The following MAN2B1 variants were observed in gnomAD, a reference collection of about 807,000 sequenced individuals.
MAN2B1 encodes the protein lysosomal alpha-mannosidase.
In MAN2B1, 99 loss-of-function variants were observed where a neutral mutation model predicts 127.5. The ratio of observed to expected loss-of-function variants is 0.78; its 90% CI spans 0.66 to 0.92. MAN2B1 has a LOEUF of 0.92. MAN2B1 is among the 40% of genes least tolerant of loss of function. The probability of loss-of-function intolerance (pLI) is 0.00; values close to 1 mark genes in which losing one functional copy is unlikely to be tolerated. For missense variants in MAN2B1, 1,304 were observed against 1,384.8 expected, an observed-to-expected ratio of 0.94 and a Z score of 0.93; for synonymous variants, 573 against 568.8, an observed-to-expected ratio of 1.01 and a Z score of -0.11.
chr19:12,647,689 T>A lies in MAN2B1; in HGVS notation c.2665-91A>T. 9.1e-7 allele frequency: 1 copy of A among 1,098,092 alleles called. No homozygotes were observed. Among genetic ancestry groups the A allele is most frequent in the Non-Finnish European group, 1.3e-6 (1 of 770,492 alleles). 68.0% of individuals were successfully genotyped at this position (1,098,092 alleles called of 1,614,324 possible). On this transcript the variant is annotated intron_variant, in intron 21 of 23. Transcript: ENST00000456935. This position sits in a 1 kb window ranked among gnomAD's most constrained non-coding sequence, Gnocchi z 4.9. ...AGCCAGGTCAGGAGGCAGGGCTAGG[T>A]TGTAGGGGCGGGGTTTCGCCGGAGA...
rs2023692840 is a variant in MAN2B1 at position 12,646,606 on chromosome 19, C to G, written c.*14G>C. 1 of 1,590,256 alleles carries G rather than the reference C, an allele frequency of 6.3e-7. No homozygotes were observed. The highest frequency in any genetic ancestry group is 8.6e-7 in the Non-Finnish European group (1 of 1,158,328). ...AGCAGGAGGCTTGGGCTTGGAGGGC[C>G]CATCCCAGCAGACCTAACCATCCAC... On this transcript the variant is annotated 3_prime_UTR_variant, in exon 24 of 24. Transcript: ENST00000456935.
Position 12,663,303 on chromosome 19 carries a change from G to C in MAN2B1, c.909+14C>G, listed in dbSNP as rs755434737. On this transcript the variant is annotated intron_variant, in intron 6 of 23. Coordinates refer to ENST00000456935, the MANE Select transcript of MAN2B1 (RefSeq NM_000528.4). Reference sequence around the variant, plus strand: ...GTATATACCGGACTCGAAGGTTCTGGACACCAGGGTTACCTGGGCAGTGGC... The same window carrying C: ...GTATATACCGGACTCGAAGGTTCTGCACACCAGGGTTACCTGGGCAGTGGC... 3 of 1,614,016 alleles carry C rather than the reference G, an allele frequency of 1.9e-6. No individual in the cohort carries two copies. Among genetic ancestry groups the C allele is most frequent in the Non-Finnish European group, 2.5e-6 (3 of 1,180,012 alleles).
intron 10 of MAN2B1, 50 bp from the exon 11 acceptor site, chr19:12,657,605 C>T: frequency 1.4e-6 from 2 of 1,479,340 alleles, no homozygotes; most frequent in South Asian, 2.4e-5. Flanking sequence ...TCAGCTGAGA[C>T]CCCAAGGGGA....
At chr19:12,654,365 A>C (rs370890158) in intron 14 of MAN2B1, among the ~76,000 whole-genome samples, 4 of 151,704 alleles carry the variant, frequency 2.6e-5, no homozygotes, top group East Asian at 3.9e-4. Context: ...TTTCAACCTC[A>C]CCACCTCTTA....
rs1459604250 is a variant in MAN2B1 at position 12,649,378 on chromosome 19, C to T, written c.2318G>A (p.Gly773Glu). The change falls in exon 19 of 24, where the codon GGA becomes GAA. Residue 773 changes from glycine to glutamate, a missense_variant. By Grantham distance (98) the Gly-to-Glu change is moderately conservative. Transcript: ENST00000456935. ...WKLNQTEPVA[G>E]NYYPVNTRIY... ...CCGGGTGTTGACTGGATAGTAGTTTCCTGCCACGGGCTCCGTCTGGTTCAG... is the reference window on the plus strand; with the variant it reads ...CCGGGTGTTGACTGGATAGTAGTTTTCTGCCACGGGCTCCGTCTGGTTCAG... 1 of 1,613,258 alleles carries T rather than the reference C, an allele frequency of 6.2e-7. No homozygotes were observed. The highest frequency in any genetic ancestry group is 8.5e-7 in the Non-Finnish European group (1 of 1,179,742).
chr19:12,660,613 T>G (rs1328794165), intron 7 of MAN2B1, among the ~76,000 whole-genome samples: 1 of 152,156 alleles, frequency 6.6e-6, no homozygotes, highest in South Asian at 2.1e-4. Context: ...GCTTTGAAGA[T>G]GGAGCCAAGA....
rs751031689 is a variant in MAN2B1 at position 12,661,272 on chromosome 19, C to A, written c.1014G>T (p.Leu338=). ...TAGGCGCACTGACCTGCGCATTTACCAGCCGGATGAGCTTGTCAAGGTTCT... is the reference window on the plus strand; with the variant it reads ...TAGGCGCACTGACCTGCGCATTTACAAGCCGGATGAGCTTGTCAAGGTTCT... The part of the protein sequence containing the change: ...WFKNLDKLIR[L]VNAQQAKGSS... Residue 338 remains leucine (L), a synonymous_variant, in exon 7 of 24, where the codon CTG becomes CTT. Coordinates refer to ENST00000456935, the MANE Select transcript of MAN2B1 (RefSeq NM_000528.4). 6.2e-7 allele frequency: 1 copy of A among 1,613,286 alleles called. No homozygotes were observed. Among genetic ancestry groups the A allele is most frequent in the Non-Finnish European group, 8.5e-7 (1 of 1,179,300 alleles).
chr19:12,649,824 A>G, intron 18 of MAN2B1, 89 bp downstream of exon 18: 1 of 1,122,078 alleles, frequency 8.9e-7, no homozygotes, highest in Admixed American at 1.7e-5. Flanking sequence ...TCTGTCTCCC[A>G]CACTCATGTA....
At chr19:12,656,450 G>C (rs2023960035) in intron 13 of MAN2B1, 121 bp downstream of exon 13, 9 of 738,344 alleles carry the variant, frequency 1.2e-5, no homozygotes, top group South Asian at 1.1e-4. Context: ...ATACAAGAGG[G>C]GGGAAGAGAT....
rs375072291 is a variant in MAN2B1, at chr19:12,650,444, C to T, written c.2047-222G>A. The stretch of plus-strand genomic sequence containing the variant: ...CGCGATCTCGGCTCACTGCAAGCTC[C>T]GCCTCCCGGGTTCACACCATTCTCC... On this transcript the variant is annotated intron_variant, in intron 16 of 23. Transcript: ENST00000456935. Among the ~76,000 whole-genome samples, 7 of 151,464 alleles carry T rather than the reference C, an allele frequency of 4.6e-5. 1 individual carries two copies. In the South Asian group the frequency reaches 1.3e-3, roughly 27 times the overall value.
chr19:12,665,992 G>C (rs2145291633), intron 1 of MAN2B1, among the ~76,000 whole-genome samples, 187 bp from the exon 2 acceptor site: 1 of 152,270 alleles, frequency 6.6e-6, no homozygotes, highest in African/African-American at 2.4e-5. Flanking sequence ...ACTCCACTTT[G>C]CACAACCCCA....
At chr19:12,661,494 G>A (rs1019780273) in intron 6 of MAN2B1, 118 bp from the exon 7 acceptor site, 1 of 763,284 alleles carries the variant, frequency 1.3e-6, no homozygotes, top group East Asian at 2.5e-5. Context: ...TGGGGGTATG[G>A]CACTTGGGAG....
In MAN2B1 at chr19:12,652,432, G is replaced by GT. The variant is rs752987724; in HGVS notation, c.1858dup (p.Thr620AsnfsTer31). On this transcript the variant is annotated frameshift_variant, in exon 15 of 24. Transcript: ENST00000456935. LOFTEE classifies it high-confidence loss of function. ...GTTCATAATCTCCATCAACAGCCCT[G>GT]TGTCAGGATCAAACGTTGCCCGGAT... is the stretch of plus-strand genomic sequence containing the variant. 6.2e-7 allele frequency: 1 copy of GT among 1,614,018 alleles called. No homozygotes were observed. The highest frequency in any genetic ancestry group is 8.5e-7 in the Non-Finnish European group (1 of 1,180,026).
At chr19:12,661,463 T>TGG (rs1216298321) in intron 6 of MAN2B1, 87 bp from the exon 7 acceptor site, 40 of 891,880 alleles carry the variant, frequency 4.5e-5, no homozygotes, top group Non-Finnish European at 7.1e-5. Flanking sequence ...GGGTCAAGGA[T>TGG]GTTGGGTGCA....
chr19:12,649,854 C>A, intron 18 of MAN2B1, 59 bp downstream of exon 18: 1 of 1,361,622 alleles, frequency 7.3e-7, no homozygotes, highest in Non-Finnish European at 1.0e-6. Flanking sequence ...TTTCCCTCAC[C>A]ACCCCTGGGC....
Position 12,665,365 on chromosome 19 carries a change from GT to G in MAN2B1, c.422del (p.Asp141AlafsTer16), listed in dbSNP as rs778399351. On this transcript the variant is annotated frameshift_variant, in exon 3 of 24. Coordinates refer to ENST00000456935, the MANE Select transcript of MAN2B1 (RefSeq NM_000528.4). LOFTEE classifies it high-confidence loss of function. ...QTNATQEVVR[D>X]LVRQGRLEFA... ...GGGTAGGCTCACCCTGGCGCACAAG[GT>G]CTCGCACGACTTCCTGTGTGGCATT... The G allele has an allele frequency of 6.2e-7, 1 of 1,607,046 alleles. No homozygotes were observed. Among genetic ancestry groups the G allele is most frequent in the Non-Finnish European group, 8.5e-7 (1 of 1,180,002 alleles).
intron 7 of MAN2B1, 34 bp downstream of exon 7, chr19:12,661,226 G>T (rs1568305790): frequency 2.7e-6 from 4 of 1,485,220 alleles, no homozygotes; most frequent in Non-Finnish European, 3.8e-6. Context: ...AAGCGCACAT[G>T]TGCACAAGGG....
intron 10 of MAN2B1, 197 bp downstream of exon 10, chr19:12,657,866 A>C: frequency 1.6e-6 from 1 of 630,398 alleles, no homozygotes; most frequent in Non-Finnish European, 2.7e-6. Flanking sequence ...GAGTCAGGAG[A>C]ATGGCGTGAA....
rs773459409 is a variant in MAN2B1, at chr19:12,666,731, G to C, written c.-30C>G. 1.0e-5 allele frequency: 16 copies of C among 1,543,468 alleles called. No individual in the cohort carries two copies. The highest frequency in any genetic ancestry group is 2.0e-5 in the Admixed American group (1 of 50,538). On this transcript the variant is annotated 5_prime_UTR_variant, in exon 1 of 24. Coordinates refer to ENST00000456935, the MANE Select transcript of MAN2B1 (RefSeq NM_000528.4). ...CAGCAGCTTCCTCCTGGGGTTCCCC[G>C]GCCCTGGAAAGGCCGGGCAAACGCC...
Sources: gnomAD v4.1 joint callset for allele counts (sites outside exome capture counted in the v4.1 genomes callset) on GRCh38, gnomAD v4.1.1 for gene constraint, Gnocchi (gnomAD v3.1) non-coding constraint, MANE v1.5 for transcripts, NCBI Gene and HGNC (gene_info 2026-07-23, HGNC 2026-07-21) for gene names.